Variants in ADGRL2 observed in about 807,000 individuals in gnomAD.
ADGRL2 encodes adhesion G protein-coupled receptor L2, also known as calcium-independent alpha-latrotoxin receptor 2.
In ADGRL2, 44 loss-of-function variants were observed where a neutral mutation model predicts 157.4. The ratio of observed to expected loss-of-function variants is 0.28; its 90% confidence interval spans 0.22 to 0.36. The LOEUF (loss-of-function observed/expected upper bound fraction) is 0.36. Ranked by LOEUF, ADGRL2 falls within the 10% of genes least tolerant of loss-of-function variation. The pLI, the probability that ADGRL2 is intolerant of heterozygous loss-of-function variation, is 1.00. For missense variants in ADGRL2, 1,510 were observed against 1,768.9 expected, an observed-to-expected ratio of 0.85 and a Z score of 2.63; for synonymous variants, 585 against 624.7, an observed-to-expected ratio of 0.94 and a Z score of 0.95.
intron 1 of ADGRL2, among the ~76,000 whole-genome samples, chr1:81,805,927 T>C (rs1399714394): frequency 6.6e-6 from 1 of 152,078 alleles, no homozygotes; most frequent in African/African-American, 2.4e-5. Context: ...AGTAAATCTC[T>C]AAAGGTGCAA....
intron 1 of ADGRL2, among the ~76,000 whole-genome samples, chr1:81,327,162 A>G (rs1660960796): frequency 6.6e-6 from 1 of 152,146 alleles, no homozygotes; most frequent in African/African-American, 2.4e-5. Flanking sequence ...TAGCACATCG[A>G]TGTTTTATGC....
chr1:81,581,240 G>A (rs1012745262), intron 3 of ADGRL2, among the ~76,000 whole-genome samples: 3 of 152,146 alleles, frequency 2.0e-5, no homozygotes, highest in East Asian at 1.9e-4. Flanking sequence ...ACATAAGCAG[G>A]TATTTGTACA....
chr1:81,543,713 C>T (rs533073895), intron 2 of ADGRL2, among the ~76,000 whole-genome samples: 4 of 152,174 alleles, frequency 2.6e-5, no homozygotes, highest in East Asian at 1.9e-4. Context: ...TCAACAACAC[C>T]CCTTAAAAAT....
rs1164087131 is a variant in ADGRL2, at chr1:81,616,679, C to CTTTTTTTTTTTTTT, written c.-143+35701_-143+35714dup. On this transcript the variant is annotated intron_variant, in intron 3 of 24. Transcript: ENST00000370721. Reference sequence around the variant, plus strand: ...TTTTTCTTTTCTTTTCTTTTCTTTTCTTTTTTTTTTTTTTTGAGACAGGGT... The same window carrying CTTTTTTTTTTTTTT: ...TTTTTCTTTTCTTTTCTTTTCTTTTCTTTTTTTTTTTTTTTTTTTTTTTTTTTTTGAGACAGGGT... Among the ~76,000 whole-genome samples, 94 of 105,966 alleles carry CTTTTTTTTTTTTTT rather than the reference C, an allele frequency of 8.9e-4. 1 individual carries two copies. Among genetic ancestry groups the CTTTTTTTTTTTTTT allele is most frequent in the African/African-American group, 1.2e-3 (31 of 26,700 alleles). The allele number at this position is 105,966 out of a possible 152,430, so 69.5% of individuals were successfully genotyped here.
intron 1 of ADGRL2, among the ~76,000 whole-genome samples, chr1:81,747,305 ATAT>A (rs1303652352): frequency 7.2e-6 from 1 of 139,758 alleles, no homozygotes; most frequent in Non-Finnish European, 1.6e-5. Flanking sequence ...ATATATATAT[ATAT>A]TTTTTTTTTT....
intron 17 of ADGRL2, among the ~76,000 whole-genome samples, chr1:81,972,174 A>G (rs141984177): frequency 6.6e-6 from 1 of 152,268 alleles, no homozygotes; most frequent in African/African-American, 2.4e-5. Context: ...AATCTAAAAA[A>G]CATGCTTACA....
Position 81,685,316 on chromosome 1 carries a change from G to A in ADGRL2, c.-142-76495G>A, listed in dbSNP as rs562436406. 2.0e-4 allele frequency among the ~76,000 whole-genome samples: 31 copies of A among 151,772 alleles called. No individual in the cohort carries two copies. In the South Asian group the frequency reaches 2.9e-3, roughly 14 times the overall value. ...TGTGTCATCTATGATTTCTTTCAGC[G>A]GTGTTTTATAGATTTTCTTGTAGAG... On this transcript the variant is annotated intron_variant, in intron 3 of 24. Transcript: ENST00000370721.
At chr1:81,934,114 A>G (rs1392178188) in intron 3 of ADGRL2, among the ~76,000 whole-genome samples, 1 of 152,130 alleles carries the variant, frequency 6.6e-6, no homozygotes, top group Non-Finnish European at 1.5e-5. Flanking sequence ...TGTAGAATTA[A>G]TACGTTTTGC....
intron 1 of ADGRL2, among the ~76,000 whole-genome samples, chr1:81,361,676 A>G (rs1570725475): frequency 1.3e-5 from 2 of 151,976 alleles, no homozygotes; most frequent in East Asian, 3.9e-4. Context: ...TGATGCTTCC[A>G]CTTTAAGCAA....
At chr1:81,423,446 C>T (rs765317953) in intron 1 of ADGRL2, among the ~76,000 whole-genome samples, 27 of 152,230 alleles carry the variant, frequency 1.8e-4, no homozygotes, top group African/African-American at 5.1e-4. Flanking sequence ...ATACACACAT[C>T]GCGACGGCCC....
intron 3 of ADGRL2, among the ~76,000 whole-genome samples, chr1:81,620,798 A>G (rs1225706559): frequency 2.0e-5 from 3 of 152,196 alleles, no homozygotes; most frequent in East Asian, 1.9e-4. Flanking sequence ...AGATAAGAAG[A>G]TTTTCAAATG....
intron 3 of ADGRL2, among the ~76,000 whole-genome samples, chr1:81,918,139 C>T (rs115206103): frequency 1.7e-3 from 265 of 152,240 alleles, no homozygotes; most frequent in Admixed American, 5.2e-3. Context: ...GTTATTTTTA[C>T]GTGGTTTGTA....
At chr1:81,540,330 A>G (rs954852949) in intron 2 of ADGRL2, among the ~76,000 whole-genome samples, 2 of 152,240 alleles carry the variant, frequency 1.3e-5, no homozygotes, top group Non-Finnish European at 2.9e-5. Flanking sequence ...GATTTTTGTC[A>G]TAATGCTTTT....
intron 1 of ADGRL2, among the ~76,000 whole-genome samples, chr1:81,340,108 A>G (rs1237645991): frequency 6.6e-6 from 1 of 152,164 alleles, no homozygotes; most frequent in Non-Finnish European, 1.5e-5. Context: ...TCTGAAGAAT[A>G]TGTTTTTAAT....
chr1:81,772,001 G>A (rs1049560602), intron 2 of ADGRL2, among the ~76,000 whole-genome samples: 1 of 152,132 alleles, frequency 6.6e-6, no homozygotes, highest in African/African-American at 2.4e-5. Context: ...TGTAATCCCA[G>A]CACTTTGGGA....
At chr1:81,694,982 A>C (rs1048757916), upstream of ADGRL2, among the ~76,000 whole-genome samples, 1 of 152,166 alleles carries the variant, frequency 6.6e-6, no homozygotes. Flanking sequence ...TGATACATAT[A>C]TTTATTTGAC....
chr1:81,936,419 CTTG>C (rs932965977), intron 3 of ADGRL2, among the ~76,000 whole-genome samples: 23 of 151,702 alleles, frequency 1.5e-4, no homozygotes, highest in Non-Finnish European at 2.7e-4. Flanking sequence ...TGTTGTTGAT[CTTG>C]TTGTCGTTCA....
intron 1 of ADGRL2, among the ~76,000 whole-genome samples, chr1:81,314,425 T>A (rs1214186504): frequency 6.6e-6 from 1 of 152,156 alleles, no homozygotes; most frequent in Non-Finnish European, 1.5e-5. Flanking sequence ...GATTATAGGA[T>A]TAGGCCGCAT....
intron 3 of ADGRL2, among the ~76,000 whole-genome samples, chr1:81,593,902 GAA>G: frequency 6.6e-6 from 1 of 152,224 alleles, no homozygotes; most frequent in Non-Finnish European, 1.5e-5. Context: ...TAAATTTTGC[GAA>G]GTTTGTTGGC....
Sources: allele counts gnomAD v4.1 joint callset (sites outside exome capture counted in the v4.1 genomes callset), GRCh38; gene constraint gnomAD v4.1.1; transcripts MANE v1.5; gene names NCBI Gene and HGNC (gene_info 2026-07-23, HGNC 2026-07-21).